Variants in ZNF565 observed in about 807,000 individuals in gnomAD.
The protein encoded by ZNF565 is zinc finger protein 565.
Under a neutral mutation model 39.4 loss-of-function variants are expected in ZNF565, and 27 were observed. That is an observed-to-expected ratio of 0.69 (90% CI 0.51 to 0.95). The LOEUF is 0.95. ZNF565 is among the 40% of genes least tolerant of loss of function. The pLI, the probability that ZNF565 is intolerant of heterozygous loss-of-function variation, is 0.00. For synonymous variants in ZNF565, 185 were observed against 216.6 expected, an observed-to-expected ratio of 0.85 and a Z score of 1.28; for missense variants, 524 against 621.1, an observed-to-expected ratio of 0.84 and a Z score of 1.66.
At position 36,220,372 on chromosome 19, in the gene ZNF565, A is replaced by T. The variant is rs1466593148; in HGVS notation, c.56-18322T>A. 5.2e-5 allele frequency among the ~76,000 whole-genome samples: 6 copies of T among 114,606 alleles called. 1 individual carries two copies. Among genetic ancestry groups the T allele is most frequent in the Non-Finnish European group, 8.6e-5 (4 of 46,276 alleles). 75.2% of individuals were successfully genotyped at this position (114,606 alleles called of 152,430 possible). A position where few individuals can be genotyped will look rare whatever the true frequency, so the allele number is the denominator to read the frequency against. ...TAGTTCTTTTTTTTAATTTAATTTT[A>T]TTTTATTTTTGAGACGGAGTCTTGC... On this transcript the variant is annotated intron_variant, in intron 1 of 4. Coordinates refer to the ZNF565 transcript ENST00000355114.
At chr19:36,220,690 A>C (rs2145404501) in intron 1 of ZNF565, among the ~76,000 whole-genome samples, 1 of 152,082 alleles carries the variant, frequency 6.6e-6, no homozygotes, top group African/African-American at 2.4e-5. Context: ...TATAGTAAAA[A>C]ATATGAAACA....
intron 2 of ZNF565, 108 bp downstream of exon 2, chr19:36,201,869 G>A: frequency 1.5e-6 from 2 of 1,344,456 alleles, no homozygotes; most frequent in Non-Finnish European, 2.1e-6. Flanking sequence ...TCCTGGAATG[G>A]ACCAACTGTG....
At chr19:36,213,972 C>T (rs1238257199) in intron 1 of ZNF565, among the ~76,000 whole-genome samples, 3 of 152,018 alleles carry the variant, frequency 2.0e-5, no homozygotes, top group East Asian at 3.8e-4. Flanking sequence ...CACCAACACC[C>T]ACAAATGCCT....
intron 1 of ZNF565, chr19:36,237,302 A>G: frequency 6.2e-7 from 1 of 1,606,442 alleles, no homozygotes; most frequent in South Asian, 1.1e-5. Flanking sequence ...TAGACACCAG[A>G]AAATTCATAC....
intron 1 of ZNF565, among the ~76,000 whole-genome samples, chr19:36,222,927 C>T (rs183473329): frequency 6.6e-6 from 1 of 150,962 alleles, no homozygotes; most frequent in Admixed American, 6.6e-5. Flanking sequence ...TTAGAATGAG[C>T]CCCCTGTGGT....
At chr19:36,238,547 T>A (rs1977730539) in intron 1 of ZNF565, 1 of 167,104 alleles carries the variant, frequency 6.0e-6, no homozygotes, top group South Asian at 2.1e-4. Flanking sequence ...GTCTTATTTT[T>A]TGTACTTTTC....
chr19:36,197,437 A>C (rs1484711892), intron 2 of ZNF565, among the ~76,000 whole-genome samples: 1 of 152,064 alleles, frequency 6.6e-6, no homozygotes, highest in African/African-American at 2.4e-5. Flanking sequence ...GCGCCACTGC[A>C]CTCCAGCCTG....
chr19:36,226,875 C>T (rs1048103034), intron 1 of ZNF565, among the ~76,000 whole-genome samples: 3 of 151,894 alleles, frequency 2.0e-5, no homozygotes, highest in Admixed American at 6.6e-5. Flanking sequence ...CACCTGTGGT[C>T]GGGAGTTTGG....
In ZNF565 at chr19:36,202,022, G is replaced by C; in HGVS notation, c.-37C>G. The stretch of plus-strand genomic sequence containing the variant: ...CTATTTGACCTGCTCTGATTTCTCT[G>C]GATTCTTCTCTTGGACAAGTGCAGA... On this transcript the variant is annotated 5_prime_UTR_variant, in exon 2 of 5. Transcript: ENST00000304116. 2 of 1,613,878 alleles carry C rather than the reference G, an allele frequency of 1.2e-6. No homozygotes were observed. Among genetic ancestry groups the C allele is most frequent in the Non-Finnish European group, 1.7e-6 (2 of 1,179,812 alleles).
intron 4 of ZNF565, among the ~76,000 whole-genome samples, chr19:36,193,866 T>G (rs1408592034): frequency 6.6e-6 from 1 of 152,076 alleles, no homozygotes; most frequent in Non-Finnish European, 1.5e-5. Context: ...GCCCAAGAGA[T>G]GGAGGCTGCA....
At chr19:36,207,516 G>A (rs545679702) in intron 1 of ZNF565, among the ~76,000 whole-genome samples, 1 of 150,750 alleles carries the variant, frequency 6.6e-6, no homozygotes, top group East Asian at 2.0e-4. Flanking sequence ...ACCAGCCTGG[G>A]TGACAGAGTG....
At chr19:36,202,657 C>G (rs762255615) in intron 1 of ZNF565, among the ~76,000 whole-genome samples, 17 of 152,128 alleles carry the variant, frequency 1.1e-4, no homozygotes, top group Non-Finnish European at 2.1e-4. Context: ...ACTCACTTGA[C>G]CCCTAAGGAT....
chr19:36,224,611 T>A (rs1347603228), intron 1 of ZNF565, among the ~76,000 whole-genome samples: 1 of 152,242 alleles, frequency 6.6e-6, no homozygotes, highest in African/African-American at 2.4e-5. Flanking sequence ...CTCGTCCTTT[T>A]CAGTGTTTCC....
At chr19:36,190,059 C>A (rs1975470232) in intron 4 of ZNF565, among the ~76,000 whole-genome samples, 1 of 151,816 alleles carries the variant, frequency 6.6e-6, no homozygotes, top group Non-Finnish European at 1.5e-5. Context: ...GTTTCGAACT[C>A]CTGACCTCAA....
intron 2 of ZNF565, among the ~76,000 whole-genome samples, chr19:36,200,345 T>G (rs1975911374): frequency 6.6e-6 from 1 of 151,968 alleles, no homozygotes; most frequent in African/African-American, 2.4e-5. Flanking sequence ...TAAAAATATT[T>G]TAACAACAAA....
At chr19:36,207,512 C>A (rs1001075042) in intron 1 of ZNF565, among the ~76,000 whole-genome samples, 7 of 151,136 alleles carry the variant, frequency 4.6e-5, no homozygotes, top group Admixed American at 3.3e-4. Flanking sequence ...TGACACCAGC[C>A]TGGGTGACAG....
intron 1 of ZNF565, among the ~76,000 whole-genome samples, chr19:36,239,322 A>G (rs1419270226): frequency 6.8e-6 from 1 of 146,698 alleles, no homozygotes; most frequent in Non-Finnish European, 1.5e-5. Flanking sequence ...AATTTTTGAT[A>G]ATATCTTTTT....
At chr19:36,194,838 C>A in intron 3 of ZNF565, 192 bp downstream of exon 3, 1 of 801,106 alleles carries the variant, frequency 1.2e-6, no homozygotes, top group Non-Finnish European at 2.1e-6. Context: ...CTCTCTCCCT[C>A]CTTTGACCCA....
chr19:36,215,418 G>C, upstream of ZNF565, among the ~76,000 whole-genome samples: 1 of 152,076 alleles, frequency 6.6e-6, no homozygotes. Context: ...GTGAAACTGG[G>C]TGCGGGATTG....
Sources: gnomAD v4.1 joint callset for allele counts (sites outside exome capture counted in the v4.1 genomes callset) on GRCh38, gnomAD v4.1.1 for gene constraint, MANE v1.5 for transcripts, NCBI Gene and HGNC (gene_info 2026-07-23, HGNC 2026-07-21) for gene names.